The following PIR variants were observed in gnomAD, a reference collection of about 807,000 sequenced individuals.
PIR encodes pirin.
PIR carries 22 observed loss-of-function variants against 24.2 expected under a neutral mutation model. The ratio of observed to expected loss-of-function variants is 0.91; its 90% CI spans 0.65 to 1.30. The LOEUF is 1.30. PIR is among the 50% of genes most tolerant of loss of function. The pLI is 0.00. For synonymous variants in PIR, 80 were observed against 79.6 expected (o/e 1.00, Z -0.03); for missense variants, 220 against 220.3 (o/e 1.00, Z 0.01).
At position 15,471,119 on chromosome X, in the gene PIR, G is replaced by T. The variant is rs564071761; in HGVS notation, c.189+8610C>A. On this transcript the variant is annotated intron_variant, in intron 3 of 9. Coordinates refer to ENST00000380420, the MANE Select transcript of PIR (RefSeq NM_001018109.3). ...GTGACCTACGCTTGTTAACACAGAC[G>T]AGGCTTTAATTCTTTGCTGTGGGAA... 5.4e-5 allele frequency among the ~76,000 whole-genome samples: 6 copies of T among 112,004 alleles called. No homozygotes were observed. The South Asian group carries it at 2.2e-3, about 41-fold the overall frequency.
In PIR at chrX:15,398,619, C is replaced by T. The variant is rs190481737; in HGVS notation, c.611-1088G>A. 1.5e-4 allele frequency among the ~76,000 whole-genome samples: 16 copies of T among 108,276 alleles called. 1 individual carries two copies. In the East Asian group the frequency reaches 4.4e-3, roughly 30 times the overall value. 94.0% of individuals were successfully genotyped at this position (108,276 alleles called of 115,157 possible). On this transcript the variant is annotated intron_variant, in intron 7 of 9. Coordinates refer to ENST00000380420, the MANE Select transcript of PIR (RefSeq NM_001018109.3). ...AAGCTGTCTTCAGATCAGGGAAAGC[C>T]TTTAAACCCATGTTTATCTGTATAA... is the stretch of plus-strand genomic sequence containing the variant.
At chrX:15,402,322 GATT>G (rs1370725200) in intron 7 of PIR, among the ~76,000 whole-genome samples, 2 of 111,983 alleles carry the variant, frequency 1.8e-5, no homozygotes, top group African/African-American at 6.5e-5. Context: ...CCACCCATTA[GATT>G]ATTAGAGTTT....
At chrX:15,396,054 G>A (rs1924123514) in intron 8 of PIR, among the ~76,000 whole-genome samples, 1 of 112,035 alleles carries the variant, frequency 8.9e-6, no homozygotes, top group Non-Finnish European at 1.9e-5. Flanking sequence ...GTGTATTATA[G>A]GAAGAACTGA....
At chrX:15,464,371 CA>C (rs1921449801) in intron 3 of PIR, 1 of 743,886 alleles carries the variant, frequency 1.3e-6, no homozygotes, top group Non-Finnish European at 1.6e-6. Context: ...ACAATGGAAA[CA>C]ACTTTTTTGT....
At chrX:15,463,236 A>C (rs1248886699) in intron 3 of PIR, among the ~76,000 whole-genome samples, 1 of 111,790 alleles carries the variant, frequency 8.9e-6, no homozygotes, top group Non-Finnish European at 1.9e-5. Flanking sequence ...CTCCAGTATC[A>C]GCTTTATCAG....
chrX:15,412,015 C>G (rs912145744), intron 6 of PIR, among the ~76,000 whole-genome samples: 5 of 110,777 alleles, frequency 4.5e-5, no homozygotes, highest in Admixed American at 1.9e-4. Context: ...GCCCCTTTAC[C>G]TTGAAATAAT....
chrX:15,489,739 G>A (rs139178683), intron 2 of PIR, among the ~76,000 whole-genome samples: 2,142 of 112,003 alleles, frequency 0.019, 38 homozygotes, highest in African/African-American at 0.065. Context: ...TGGCCTGATG[G>A]GGCTGATGGA....
At chrX:15,386,219 A>G (rs1417046275) in intron 9 of PIR, among the ~76,000 whole-genome samples, 1 of 112,543 alleles carries the variant, frequency 8.9e-6, no homozygotes, top group African/African-American at 3.2e-5. Context: ...CTTAGAGAAA[A>G]TAACATATTC....
chrX:15,485,324 C>T lies in PIR; in HGVS notation c.97-5503G>A, dbSNP rs762208228. 1.5e-3 allele frequency among the ~76,000 whole-genome samples: 171 copies of T among 111,887 alleles called. 1 individual carries two copies. The highest frequency in any genetic ancestry group is 2.3e-3 in the Non-Finnish European group (121 of 53,143). On this transcript the variant is annotated intron_variant, in intron 2 of 9. Transcript: ENST00000380420. ...CAGACACAGTGCCTTCTGGCTGTGT[C>T]CCACATGGTGGAAGGAGCCAGCTAG...
intron 9 of PIR, among the ~76,000 whole-genome samples, chrX:15,385,912 G>A (rs1175419536): frequency 8.9e-6 from 1 of 112,066 alleles, no homozygotes; most frequent in Non-Finnish European, 1.9e-5. Context: ...CTCGGATTTT[G>A]CTAAAAATGT....
At chrX:15,397,787 G>A (rs1924219636) in intron 7 of PIR, among the ~76,000 whole-genome samples, 2 of 111,979 alleles carry the variant, frequency 1.8e-5, no homozygotes, top group South Asian at 7.4e-4. Flanking sequence ...GATAAGCAAA[G>A]TCCTTGGCAT....
chrX:15,484,318 T>C (rs1255447167), intron 2 of PIR, among the ~76,000 whole-genome samples: 2 of 92,991 alleles, frequency 2.2e-5, no homozygotes, highest in African/African-American at 3.9e-5. Flanking sequence ...TTTTTTTTTT[T>C]TTTTTTTTTT....
chrX:15,433,609 AAGGAGAAAGAAGG>A (rs1925602170), intron 5 of PIR, among the ~76,000 whole-genome samples: 2 of 98,611 alleles, frequency 2.0e-5, no homozygotes, highest in Non-Finnish European at 4.1e-5. Context: ...AGAGAGGAGG[AAGGAGAAAGAAGG>A]AGGAGAAAGG....
chrX:15,454,485 A>G (rs181663453), intron 5 of PIR, among the ~76,000 whole-genome samples: 1 of 109,642 alleles, frequency 9.1e-6, no homozygotes, highest in Admixed American at 9.8e-5. Flanking sequence ...AAAAAAAAAA[A>G]AACAAAAAAA....
chrX:15,393,515 A>G lies in PIR; in HGVS notation c.694-3264T>C, dbSNP rs1270124701. Among the ~76,000 whole-genome samples, 3 of 110,999 alleles carry G rather than the reference A, an allele frequency of 2.7e-5. No individual in the cohort carries two copies. In the East Asian group the frequency reaches 8.5e-4, roughly 31 times the overall value. On this transcript the variant is annotated intron_variant, in intron 8 of 9. Coordinates refer to ENST00000380420, the MANE Select transcript of PIR (RefSeq NM_001018109.3). The stretch of plus-strand genomic sequence containing the variant: ...GGTGGTCTGTTAGGAACTGGGCTGC[A>G]CAACAGGTGAGTGGCAGGTGAGGTA...
chrX:15,482,408 T>C (rs1922556671), intron 2 of PIR, among the ~76,000 whole-genome samples: 1 of 111,560 alleles, frequency 9.0e-6, no homozygotes, highest in Non-Finnish European at 1.9e-5. Flanking sequence ...ATTCCCTTCA[T>C]AAGGTTAAAG....
chrX:15,491,603 A>G (rs759827548), intron 1 of PIR, among the ~76,000 whole-genome samples: 1 of 112,220 alleles, frequency 8.9e-6, no homozygotes, highest in South Asian at 3.8e-4. Flanking sequence ...CCACATAATG[A>G]CATTCAGGTC....
At chrX:15,457,051 G>A (rs1921110420) in intron 4 of PIR, among the ~76,000 whole-genome samples, 1 of 112,228 alleles carries the variant, frequency 8.9e-6, no homozygotes, top group Non-Finnish European at 1.9e-5. Flanking sequence ...GAGAGAGTAG[G>A]GAAGAGTGAG....
intron 2 of PIR, among the ~76,000 whole-genome samples, chrX:15,488,843 G>T (rs7052755): frequency 1.8e-5 from 2 of 110,132 alleles, no homozygotes; most frequent in African/African-American, 6.6e-5. Flanking sequence ...AGAACTCAGA[G>T]GGGTTGTAAA....
Sources: allele counts gnomAD v4.1 joint callset (sites outside exome capture counted in the v4.1 genomes callset), GRCh38; gene constraint gnomAD v4.1.1; transcripts MANE v1.5; gene names NCBI Gene and HGNC (gene_info 2026-07-23, HGNC 2026-07-21).